The following RARB variants were observed in gnomAD, a reference collection of about 807,000 sequenced individuals.
RARB encodes retinoic acid receptor beta.
In RARB, 17 loss-of-function variants were observed where a neutral mutation model predicts 51.9. The ratio of observed to expected loss-of-function variants is 0.33; its 90% confidence interval spans 0.22 to 0.49. The LOEUF (loss-of-function observed/expected upper bound fraction) is 0.49. RARB is among the 20% of genes least tolerant of loss of function. The pLI, the probability that RARB is intolerant of heterozygous loss-of-function variation, is 0.99. For synonymous variants in RARB, 215 were observed against 195.4 expected (o/e 1.10, Z -0.84); for missense variants, 369 against 550.8 (o/e 0.67, Z 3.30).
At chr3:25,300,123 A>T (rs1704005826) in intron 5 of RARB, among the ~76,000 whole-genome samples, 1 of 152,232 alleles carries the variant, frequency 6.6e-6, no homozygotes, top group East Asian at 1.9e-4. Context: ...TTTGAGAACC[A>T]CTGCTCTAAA....
chr3:25,329,961 G>C (rs567566373), intron 5 of RARB, among the ~76,000 whole-genome samples: 2 of 152,216 alleles, frequency 1.3e-5, no homozygotes, highest in East Asian at 3.9e-4. Context: ...GAGAAGTTTA[G>C]AGAAAAATTA....
chr3:25,568,995 T>G (rs2125284364), intron 3 of RARB, among the ~76,000 whole-genome samples: 1 of 152,354 alleles, frequency 6.6e-6, no homozygotes, highest in South Asian at 2.1e-4. Context: ...GCCCTGACTT[T>G]GTGCCTGGCA....
At chr3:25,384,809 T>C (rs1706745985) in intron 5 of RARB, among the ~76,000 whole-genome samples, 1 of 152,202 alleles carries the variant, frequency 6.6e-6, no homozygotes, top group Admixed American at 6.5e-5. Context: ...CTTTCAAGGG[T>C]AGAAAACCAG....
intron 3 of RARB, among the ~76,000 whole-genome samples, chr3:25,088,794 C>A (rs988157180): frequency 3.9e-5 from 6 of 151,948 alleles, no homozygotes; most frequent in African/African-American, 1.5e-4. Context: ...ATTGAAAAGC[C>A]GCTCCCAGAG....
At chr3:25,053,732 T>C (rs746245508) in intron 2 of RARB, among the ~76,000 whole-genome samples, 8 of 152,130 alleles carry the variant, frequency 5.3e-5, no homozygotes, top group Non-Finnish European at 8.8e-5. Context: ...TTGCTTTGAA[T>C]GTTAGGTGAA....
intron 2 of RARB, among the ~76,000 whole-genome samples, chr3:25,486,285 A>G (rs1219470186): frequency 6.6e-6 from 1 of 152,230 alleles, no homozygotes; most frequent in Non-Finnish European, 1.5e-5. Context: ...CAGTGCTAGA[A>G]GGCATGTAGA....
At chr3:24,933,484 G>A (rs1695484569) in intron 2 of RARB, among the ~76,000 whole-genome samples, 1 of 152,056 alleles carries the variant, frequency 6.6e-6, no homozygotes. Flanking sequence ...GGCTTTGTCA[G>A]GTTCTTTAGT....
At chr3:24,889,862 T>A (rs192827658) in intron 2 of RARB, among the ~76,000 whole-genome samples, 2 of 151,720 alleles carry the variant, frequency 1.3e-5, no homozygotes, top group East Asian at 1.9e-4. Flanking sequence ...GTTGAGAATT[T>A]TGGCAGACCA....
chr3:25,018,674 G>T (rs972773682), intron 2 of RARB, among the ~76,000 whole-genome samples: 9 of 152,160 alleles, frequency 5.9e-5, no homozygotes, highest in Non-Finnish European at 1.0e-4. Context: ...AAAAGTCATT[G>T]TATATAAAGT....
chr3:25,189,950 C>A (rs373519439), intron 5 of RARB, among the ~76,000 whole-genome samples: 1 of 152,110 alleles, frequency 6.6e-6, no homozygotes, highest in East Asian at 1.9e-4. Flanking sequence ...CGGATAAACT[C>A]CTCACCTTTC....
At chr3:25,428,981 C>T in intron 1 of RARB, 93 bp downstream of exon 1, 2 of 1,381,894 alleles carry the variant, frequency 1.4e-6, no homozygotes, top group Non-Finnish European at 1.9e-6. Context: ...GCATTGGTAG[C>T]AAGACAAAGG....
intron 1 of RARB, among the ~76,000 whole-genome samples, chr3:25,446,360 G>T (rs1303070260): frequency 6.6e-6 from 1 of 152,222 alleles, no homozygotes; most frequent in Non-Finnish European, 1.5e-5. Context: ...TTCTTGGAAT[G>T]TGTCACACCT....
chr3:24,974,365 T>C (rs1367621866), intron 2 of RARB, among the ~76,000 whole-genome samples: 1 of 152,154 alleles, frequency 6.6e-6, no homozygotes, highest in Non-Finnish European at 1.5e-5. Flanking sequence ...TCTTGCATCA[T>C]GAATAAGTAT....
At chr3:25,105,669 A>G (rs1165400700) in intron 3 of RARB, among the ~76,000 whole-genome samples, 1 of 152,188 alleles carries the variant, frequency 6.6e-6, no homozygotes, top group Admixed American at 6.5e-5. Context: ...AGCTTCTTTT[A>G]TCTGCCTTGT....
At chr3:25,056,422 G>T (rs560943892) in intron 2 of RARB, among the ~76,000 whole-genome samples, 1 of 152,138 alleles carries the variant, frequency 6.6e-6, no homozygotes, top group Non-Finnish European at 1.5e-5. Context: ...CTATCAGTTT[G>T]CAACATTGAC....
At chr3:25,209,490 A>G (rs1701640455) in intron 5 of RARB, among the ~76,000 whole-genome samples, 1 of 152,216 alleles carries the variant, frequency 6.6e-6, no homozygotes, top group African/African-American at 2.4e-5. Context: ...AGATTTGCCA[A>G]AGTCAATGTT....
intron 1 of RARB, among the ~76,000 whole-genome samples, chr3:24,846,961 C>G (rs1702492682): frequency 6.6e-6 from 1 of 151,856 alleles, no homozygotes; most frequent in Admixed American, 6.6e-5. Context: ...GATGCAGATT[C>G]AGCAAATTCG....
intron 5 of RARB, among the ~76,000 whole-genome samples, chr3:25,296,680 C>G (rs559398582): frequency 6.6e-6 from 1 of 152,310 alleles, no homozygotes; most frequent in South Asian, 2.1e-4. Context: ...GGAGGGTCAA[C>G]TTATTCCCTG....
At chr3:25,440,460 A>G (rs1001056891) in intron 1 of RARB, among the ~76,000 whole-genome samples, 16 of 151,970 alleles carry the variant, frequency 1.1e-4, no homozygotes, top group Non-Finnish European at 2.1e-4. Flanking sequence ...AATAAAAAAA[A>G]AAAAAGAAAT....
Sources: allele counts gnomAD v4.1 joint callset (sites outside exome capture counted in the v4.1 genomes callset), GRCh38; gene constraint gnomAD v4.1.1; transcripts MANE v1.5; gene names NCBI Gene and HGNC (gene_info 2026-07-23, HGNC 2026-07-21).